RNF11: variants seen among roughly 807,000 people sequenced by gnomAD.
The protein encoded by RNF11 is ring finger protein 11.
In RNF11, 4 loss-of-function variants were observed where a neutral mutation model predicts 15.8. The ratio of observed to expected loss-of-function variants is 0.25; its 90% confidence interval spans 0.12 to 0.58. The LOEUF (loss-of-function observed/expected upper bound fraction) is 0.58, where lower values mean the gene tolerates loss of function less well. RNF11 is among the 20% of genes least tolerant of loss of function. RNF11 has a pLI of 0.91. For synonymous variants in RNF11, 68 were observed against 72.3 expected (o/e 0.94, Z 0.30); for missense variants, 139 against 194.4 (o/e 0.71, Z 1.70).
At chr1:51,247,454 GT>G (rs111522620) in intron 1 of RNF11, among the ~76,000 whole-genome samples, 13,664 of 142,644 alleles carry the variant, frequency 0.096, 871 homozygotes, top group African/African-American at 0.19. Flanking sequence ...TTGTTTTTTT[GT>G]TTTTTTTTTT....
chr1:51,271,318 A>C lies in RNF11; in HGVS notation c.461A>C (p.Asn154Thr). 6.2e-7 allele frequency: 1 copy of C among 1,610,478 alleles called. No individual in the cohort carries two copies. Among genetic ancestry groups the C allele is most frequent in the Non-Finnish European group, 8.5e-7 (1 of 1,177,568 alleles). Residue 154 changes from asparagine to threonine, a missense_variant, in exon 3 of 3, where the codon AAT (asparagine) becomes ACT (threonine). Transcript: ENST00000242719. ...GCACTGCTTTCATCCTATGAGACTA[A>C]TTGAGCCAGGGTCTCTTATCTGACT... ...DAALLSSYETN is the reference protein window; with the variant it reads ...DAALLSSYETT
At chr1:51,250,461 AC>A in intron 1 of RNF11, 1 of 420,352 alleles carries the variant, frequency 2.4e-6, no homozygotes, top group South Asian at 3.3e-5. Flanking sequence ...TGACCTTTGA[AC>A]AACATAGAGT....
chr1:51,255,032 G>A lies in RNF11; in HGVS notation c.124-14924G>A, dbSNP rs533597479. The stretch of plus-strand genomic sequence containing the variant: ...AAGCAATAGCTTATACATTGGTGAG[G>A]GGAGTGTTTACATTGCCCCCAACAT... On this transcript the variant is annotated intron_variant, in intron 1 of 2. Coordinates refer to ENST00000242719, the MANE Select transcript of RNF11 (RefSeq NM_014372.5). Among the ~76,000 whole-genome samples the A allele has an allele frequency of 1.1e-3, 173 of 152,232 alleles. No homozygotes were observed. In the South Asian group the frequency reaches 0.034, roughly 30 times the overall value.
At chr1:51,252,726 C>G (rs1646885364) in intron 1 of RNF11, among the ~76,000 whole-genome samples, 1 of 151,858 alleles carries the variant, frequency 6.6e-6, no homozygotes, top group Non-Finnish European at 1.5e-5. Flanking sequence ...TTGCATTTTC[C>G]CAGTGAGTAG....
At chr1:51,248,996 G>A (rs954777595) in intron 1 of RNF11, among the ~76,000 whole-genome samples, 1 of 152,156 alleles carries the variant, frequency 6.6e-6, no homozygotes, top group African/African-American at 2.4e-5. Context: ...AAGTAATCTA[G>A]CGATGATTTA....
At chr1:51,253,453 C>T (rs1646890074) in intron 1 of RNF11, among the ~76,000 whole-genome samples, 3 of 150,024 alleles carry the variant, frequency 2.0e-5, no homozygotes, top group African/African-American at 7.4e-5. Flanking sequence ...AGCCCAGGAG[C>T]TCGAGGTAAC....
intron 1 of RNF11, among the ~76,000 whole-genome samples, chr1:51,239,569 C>G (rs552909080): frequency 6.6e-6 from 1 of 152,106 alleles, no homozygotes; most frequent in East Asian, 1.9e-4. Context: ...GTTATTTATT[C>G]ATTTATTTGA....
chr1:51,251,488 A>G, intron 1 of RNF11: 1 of 604,674 alleles, frequency 1.7e-6, no homozygotes, highest in Non-Finnish European at 2.9e-6. Context: ...GTTTTCTCGG[A>G]GAAGAAAGGA....
At chr1:51,240,657 T>G (rs1236204483) in intron 1 of RNF11, among the ~76,000 whole-genome samples, 2 of 152,172 alleles carry the variant, frequency 1.3e-5, no homozygotes, top group Non-Finnish European at 2.9e-5. Context: ...AATGAACTAA[T>G]GTATTTGAGG....
chr1:51,247,309 G>C (rs1002063978), intron 1 of RNF11, among the ~76,000 whole-genome samples: 5 of 152,040 alleles, frequency 3.3e-5, no homozygotes, highest in Non-Finnish European at 7.4e-5. Flanking sequence ...GCAAACTCTT[G>C]AGCTCAAGCC....
At chr1:51,252,837 T>TGTGTGTG (rs1646886149) in intron 1 of RNF11, among the ~76,000 whole-genome samples, 1 of 105,010 alleles carries the variant, frequency 9.5e-6, no homozygotes, top group South Asian at 2.9e-4. Flanking sequence ...GTGTGTGTGT[T>TGTGTGTG]TGGGGGGGAC....
Position 51,236,736 on chromosome 1 carries a change from C to T in RNF11, c.-21C>T, listed in dbSNP as rs371590839. On this transcript the variant is annotated 5_prime_UTR_variant, in exon 1 of 3. Coordinates refer to ENST00000242719, the MANE Select transcript of RNF11 (RefSeq NM_014372.5). The stretch of plus-strand genomic sequence containing the variant: ...ACCGCTGCTTTCTCCTCCCCCAGAT[C>T]ACGCACCCCAGCTCCGGAAGATGGG... The T allele has an allele frequency of 8.1e-6, 13 of 1,609,860 alleles. No individual in the cohort carries two copies. The highest frequency in any genetic ancestry group is 1.3e-5 in the African/African-American group (1 of 74,848).
chr1:51,243,446 A>G (rs1046869118), intron 1 of RNF11, among the ~76,000 whole-genome samples: 7 of 151,784 alleles, frequency 4.6e-5, no homozygotes, highest in African/African-American at 1.7e-4. Flanking sequence ...TATTATTATT[A>G]TTATTTTTTG....
chr1:51,256,934 A>G (rs950658159), intron 1 of RNF11, among the ~76,000 whole-genome samples: 1 of 152,156 alleles, frequency 6.6e-6, no homozygotes, highest in Non-Finnish European at 1.5e-5. Flanking sequence ...TTGGCTTTCC[A>G]AAGTGCTGGG....
chr1:51,252,807 G>GTGTGTGTGTT (rs1646885902), intron 1 of RNF11, among the ~76,000 whole-genome samples: 1 of 144,652 alleles, frequency 6.9e-6, no homozygotes, highest in African/African-American at 2.5e-5. Context: ...TGTCCAGTTT[G>GTGTGTGTGTT]TGTGTGTGTG....
At chr1:51,242,388 G>A (rs1333282316) in intron 1 of RNF11, among the ~76,000 whole-genome samples, 4 of 146,278 alleles carry the variant, frequency 2.7e-5, no homozygotes, top group African/African-American at 7.6e-5. Context: ...GCACTTAGGT[G>A]GCAGAGGCAG....
chr1:51,250,238 T>G (rs190492557), intron 1 of RNF11, among the ~76,000 whole-genome samples: 56 of 152,362 alleles, frequency 3.7e-4, no homozygotes, highest in Admixed American at 3.1e-3. Context: ...CATGAAATGA[T>G]TACCACAGAC....
intron 1 of RNF11, among the ~76,000 whole-genome samples, chr1:51,247,327 T>C (rs1472543299): frequency 6.6e-6 from 1 of 152,166 alleles, no homozygotes; most frequent in Non-Finnish European, 1.5e-5. Context: ...GCCAACCTCC[T>C]GGTTCAGCCT....
In RNF11 at chr1:51,270,111, A is replaced by G. The variant is rs1259197026; in HGVS notation, c.279A>G (p.Glu93=). ...GVYDPGRDGS[E]KKIRECVICM... is the part of the protein sequence containing the mutation. ...ATGACCCTGGAAGAGATGGATCAGA[A>G]AAAAAGATCCGGGAGTAAGTTTTAA... The change falls in exon 2 of 3, where the codon GAA becomes GAG. Residue 93 remains glutamate, a synonymous_variant. Coordinates refer to ENST00000242719, the MANE Select transcript of RNF11 (RefSeq NM_014372.5). 1.7e-5 allele frequency: 27 copies of G among 1,593,808 alleles called. No homozygotes were observed. The highest frequency in any genetic ancestry group is 2.2e-5 in the Non-Finnish European group (26 of 1,174,572).
Sources: gnomAD v4.1 joint callset for allele counts (sites outside exome capture counted in the v4.1 genomes callset) on GRCh38, gnomAD v4.1.1 for gene constraint, MANE v1.5 for transcripts, NCBI Gene and HGNC (gene_info 2026-07-23, HGNC 2026-07-21) for gene names.